RYR1: variants seen among roughly 807,000 people sequenced by gnomAD.
RYR1 encodes the protein ryanodine receptor 1.
In RYR1, 342 loss-of-function variants were observed where a neutral mutation model predicts 583.5. The observed-to-expected ratio is 0.59, with a 90% CI of 0.54 to 0.64. The LOEUF is 0.64. Among genes scored for constraint, RYR1 ranks in the 30% least tolerant of loss-of-function variants. The pLI is 0.00. For missense variants in RYR1, 6,032 were observed against 6,917.2 expected (o/e 0.87, Z 4.54); for synonymous variants, 2,791 against 2,822.5 (o/e 0.99, Z 0.35).
At chr19:38,533,805 A>C (rs892244458) in intron 78 of RYR1, among the ~76,000 whole-genome samples, 1 of 151,628 alleles carries the variant, frequency 6.6e-6, no homozygotes, top group Non-Finnish European at 1.5e-5. Flanking sequence ...AAAAAGATCT[A>C]GCAGTAGATC....
chr19:38,577,834 G>A (rs1568601560), intron 97 of RYR1, 84 bp from the exon 98 acceptor site: 1 of 1,575,946 alleles, frequency 6.3e-7, no homozygotes. Flanking sequence ...TCAGAGTTTG[G>A]AGTGTCCCCA....
In RYR1 at chr19:38,494,514, C is replaced by T. The variant is rs771914477; in HGVS notation, c.6437C>T (p.Pro2146Leu). The change falls in exon 39 of 106, where the codon CCG becomes CTG. Residue 2146 changes from proline (P) to leucine (L), a missense_variant. Physicochemically the swap from Pro to Leu is moderately conservative, Grantham distance 98. Transcript: ENST00000359596. ...RALPRAYTIS[P>L]SSVEDTMSLL... ...CTGCCGCGGGCGTACACCATCTCAC[C>T]GTCCTCCGTGGAAGACACCATGAGC... 18 of 1,613,684 alleles carry T rather than the reference C, an allele frequency of 1.1e-5. No individual in the cohort carries two copies. Among genetic ancestry groups the T allele is most frequent in the Middle Eastern group, 1.7e-4 (1 of 5,968 alleles).
At chr19:38,453,349 G>A (rs1967191275) in intron 13 of RYR1, among the ~76,000 whole-genome samples, 2 of 151,858 alleles carry the variant, frequency 1.3e-5, no homozygotes, top group African/African-American at 4.8e-5. Context: ...ATAGGGTGAG[G>A]CCTGGGGAGG....
chr19:38,467,436 T>C (rs1056699807), intron 24 of RYR1, among the ~76,000 whole-genome samples, 174 bp from the exon 25 acceptor site: 13 of 152,158 alleles, frequency 8.5e-5, no homozygotes, highest in Admixed American at 3.9e-4. Flanking sequence ...TCCCTGCCTC[T>C]CTCTGACTTT....
chr19:38,567,470 A>T (rs913697905), intron 92 of RYR1, among the ~76,000 whole-genome samples: 2 of 152,056 alleles, frequency 1.3e-5, no homozygotes, highest in Non-Finnish European at 2.9e-5. Flanking sequence ...TCTCCAGGAC[A>T]CCTGACCCCC....
Position 38,446,782 on chromosome 19 carries a change from G to A in RYR1, c.800+14G>A, listed in dbSNP as rs1050374436. 2 of 1,610,356 alleles carry A rather than the reference G, an allele frequency of 1.2e-6. No homozygotes were observed. Among genetic ancestry groups the A allele is most frequent in the African/African-American group, 1.3e-5 (1 of 74,848 alleles). On this transcript the variant is annotated intron_variant, in intron 9 of 105. Coordinates refer to ENST00000359596, the MANE Select transcript of RYR1 (RefSeq NM_000540.3). Reference sequence around the variant, plus strand: ...ACTGAGAATCAGGTAGGGCGGGGAAGATGGGGAGAGACCAGGGAGAGGCTG... The same window carrying A: ...ACTGAGAATCAGGTAGGGCGGGGAAAATGGGGAGAGACCAGGGAGAGGCTG...
intron 56 of RYR1, 51 bp downstream of exon 56, chr19:38,506,597 G>A (rs1970463229): frequency 6.2e-7 from 1 of 1,604,692 alleles, no homozygotes; most frequent in Non-Finnish European, 8.5e-7. Flanking sequence ...TCACCGTGTG[G>A]TTTTGCTGAT....
intron 60 of RYR1, 104 bp from the exon 61 acceptor site, chr19:38,511,457 G>T: frequency 8.2e-7 from 1 of 1,218,968 alleles, no homozygotes; most frequent in Non-Finnish European, 1.2e-6. Flanking sequence ...CTCTCTCCTT[G>T]TCTTCTCTGT....
intron 74 of RYR1, 57 bp from the exon 75 acceptor site, chr19:38,528,542 A>T: frequency 6.2e-7 from 1 of 1,601,772 alleles, no homozygotes; most frequent in South Asian, 1.1e-5. Flanking sequence ...GGCGCATGGG[A>T]GGTCGGGAAG....
At chr19:38,459,419 C>T (rs1967610255) in intron 19 of RYR1, 81 bp downstream of exon 19, 1 of 1,351,760 alleles carries the variant, frequency 7.4e-7, no homozygotes, top group Admixed American at 1.9e-5. Context: ...CTCCATGGTC[C>T]CCCAGGAGGC....
At chr19:38,453,294 A>C (rs964181506) in intron 13 of RYR1, among the ~76,000 whole-genome samples, 2 of 151,076 alleles carry the variant, frequency 1.3e-5, no homozygotes, top group Admixed American at 6.6e-5. Context: ...GGAGAGAAGG[A>C]TGGAATAAAA....
At position 38,451,804 on chromosome 19, in the gene RYR1, C is replaced by T. The variant is rs777892571; in HGVS notation, c.1163C>T (p.Ser388Leu). The T allele has an allele frequency of 2.7e-5, 43 of 1,614,010 alleles. No individual in the cohort carries two copies. In the Middle Eastern group the frequency reaches 4.9e-4, roughly 19 times the overall value. The change falls in exon 12 of 106, where the codon TCG (serine) becomes TTG (leucine). Residue 388 changes from serine to leucine, a missense_variant. Physicochemically the swap from Ser to Leu is moderately radical, Grantham distance 145. Transcript: ENST00000359596. ...GAGGGCCACATGGACGACGCACTGT[C>T]GCTGACCCGCTGCCAGCAGGAGGAG... ...HQEGHMDDALSLTRCQQEESQ... is the reference protein window; with the variant it reads ...HQEGHMDDALLLTRCQQEESQ...
chr19:38,568,516 G>A (rs903762816), intron 93 of RYR1, among the ~76,000 whole-genome samples: 8 of 148,426 alleles, frequency 5.4e-5, no homozygotes, highest in South Asian at 2.1e-4. Flanking sequence ...CAGGCGGATC[G>A]CCTGAGGTCA....
At chr19:38,566,448 C>CAAAAAAAA (rs71165563) in intron 91 of RYR1, among the ~76,000 whole-genome samples, 4 of 51,060 alleles carry the variant, frequency 7.8e-5, no homozygotes, top group East Asian at 1.1e-3. Flanking sequence ...GACTCTGTCT[C>CAAAAAAAA]AAAAAAAAAA....
chr19:38,507,288 A>G (rs1970508602), intron 57 of RYR1, among the ~76,000 whole-genome samples: 1 of 127,812 alleles, frequency 7.8e-6, no homozygotes, highest in Non-Finnish European at 1.6e-5. Flanking sequence ...AGAGGAGAGA[A>G]GGCTGAAAAG....
At position 38,505,518 on chromosome 19, in the gene RYR1, C is replaced by T. The variant is rs542226088; in HGVS notation, c.8400+120C>T. ...CTAGGTGGATCTGTGGGTTAGGTCT[C>T]CCCATTCATGGACTTTGCCTTCTCT... On this transcript the variant is annotated intron_variant, in intron 53 of 105. Coordinates refer to ENST00000359596, the MANE Select transcript of RYR1 (RefSeq NM_000540.3). 23 of 818,804 alleles carry T rather than the reference C, an allele frequency of 2.8e-5. No individual in the cohort carries two copies. In the Admixed American group the frequency reaches 4.3e-4, roughly 15 times the overall value. The allele number at this position is 818,804 out of a possible 1,614,324, so 50.7% of individuals were successfully genotyped here.
chr19:38,462,300 G>C (rs1967795914), intron 20 of RYR1, among the ~76,000 whole-genome samples: 1 of 152,146 alleles, frequency 6.6e-6, no homozygotes, highest in South Asian at 2.1e-4. Context: ...TAGGCAAGAT[G>C]CTTAGTCCAG....
At chr19:38,455,162 G>A (rs982185602) in intron 13 of RYR1, 73 bp from the exon 14 acceptor site, 9 of 1,552,942 alleles carry the variant, frequency 5.8e-6, no homozygotes, top group Non-Finnish European at 7.1e-6. Context: ...ATATGAATTC[G>A]TGAATCCAAG....
At chr19:38,469,679 T>C (rs368758530) in intron 27 of RYR1, among the ~76,000 whole-genome samples, 166 bp downstream of exon 27, 1 of 152,148 alleles carries the variant, frequency 6.6e-6, no homozygotes, top group African/African-American at 2.4e-5. Context: ...GGTGTAACTT[T>C]GGCAAACCAC....
Sources: allele counts gnomAD v4.1 joint callset (sites outside exome capture counted in the v4.1 genomes callset), GRCh38; gene constraint gnomAD v4.1.1; transcripts MANE v1.5; gene names NCBI Gene and HGNC (gene_info 2026-07-23, HGNC 2026-07-21).